Variants in MEP1B observed in about 807,000 individuals in gnomAD.
MEP1B encodes meprin A subunit beta.
In MEP1B, 80 loss-of-function variants were observed where a neutral mutation model predicts 84.6. That is an observed-to-expected ratio of 0.95 (90% CI 0.79 to 1.14). The LOEUF is 1.14. Among genes scored for constraint, MEP1B ranks in the 50% most tolerant of loss-of-function variants. The pLI is 0.00. For synonymous variants in MEP1B, 273 were observed against 288.1 expected (o/e 0.95, Z 0.53); for missense variants, 766 against 855.1 (o/e 0.90, Z 1.30).
chr18:32,216,942 T>C, intron 12 of MEP1B, 49 bp from the exon 13 acceptor site: 1 of 1,573,218 alleles, frequency 6.4e-7, no homozygotes. Context: ...GATCAAATGA[T>C]TGTTAAACAA....
chr18:32,198,105 A>G (rs936182403), intron 5 of MEP1B, among the ~76,000 whole-genome samples: 1 of 152,216 alleles, frequency 6.6e-6, no homozygotes, highest in South Asian at 2.1e-4. Context: ...TCAAAGAGCT[A>G]TGGGAGCACA....
chr18:32,201,098 A>G (rs2040906886), intron 5 of MEP1B, among the ~76,000 whole-genome samples: 1 of 152,130 alleles, frequency 6.6e-6, no homozygotes, highest in African/African-American at 2.4e-5. Flanking sequence ...GTGTTACTTT[A>G]TTTATTAATT....
At chr18:32,218,478 T>C (rs1042436724) in intron 14 of MEP1B, among the ~76,000 whole-genome samples, 3 of 152,186 alleles carry the variant, frequency 2.0e-5, no homozygotes, top group East Asian at 1.9e-4. Flanking sequence ...GGATTTAAAG[T>C]CTTGCCTCAA....
intron 1 of MEP1B, 34 bp from the exon 2 acceptor site, chr18:32,191,785 TATA>T (rs1213555155): frequency 7.1e-7 from 1 of 1,409,526 alleles, no homozygotes; most frequent in Admixed American, 2.0e-5. Context: ...TCCTGGGCAT[TATA>T]ATAATATGTT....
chr18:32,196,430 A>G lies in MEP1B; in HGVS notation c.250+945A>G, dbSNP rs2144383055. The G allele has an allele frequency of 1.4e-6, 1 of 694,740 alleles. No homozygotes were observed. Among genetic ancestry groups the G allele is most frequent in the Non-Finnish European group, 2.7e-6 (1 of 376,142 alleles). 43.0% of individuals were successfully genotyped at this position (694,740 alleles called of 1,614,324 possible). ...TGGTCCTCGCCCAGCTGGGTCTTAC[A>G]GAGGGTGTGCAGCCAGCCCTTCCTT... On this transcript the variant is annotated intron_variant, in intron 5 of 14. Coordinates refer to ENST00000269202, the MANE Select transcript of MEP1B (RefSeq NM_005925.3). The surrounding 1 kb of genome is among the most constrained non-coding windows in gnomAD (Gnocchi z 4.4).
At chr18:32,191,071 A>G (rs1167027765) in intron 1 of MEP1B, among the ~76,000 whole-genome samples, 2 of 152,090 alleles carry the variant, frequency 1.3e-5, no homozygotes, top group Non-Finnish European at 1.5e-5. Context: ...GGTACTGACC[A>G]TATCTTATGG....
At chr18:32,198,285 T>A (rs536058592) in intron 5 of MEP1B, among the ~76,000 whole-genome samples, 1 of 152,298 alleles carries the variant, frequency 6.6e-6, no homozygotes, top group South Asian at 2.1e-4. Flanking sequence ...TCTCCAAGAC[T>A]TTTTGACTGA....
intron 5 of MEP1B, among the ~76,000 whole-genome samples, chr18:32,201,149 CT>C (rs1301921021): frequency 8.5e-5 from 13 of 152,078 alleles, no homozygotes; most frequent in African/African-American, 3.1e-4. Flanking sequence ...ATGGCCTAAA[CT>C]AGTATGCTCT....
intron 14 of MEP1B, among the ~76,000 whole-genome samples, chr18:32,219,975 C>T (rs562286921): frequency 3.9e-5 from 6 of 152,282 alleles, no homozygotes; most frequent in African/African-American, 1.2e-4. Context: ...TCGTTTAGAT[C>T]TTAAATCAGA....
At chr18:32,214,419 A>G (rs1279543613) in intron 11 of MEP1B, among the ~76,000 whole-genome samples, 4 of 152,346 alleles carry the variant, frequency 2.6e-5, no homozygotes, top group Non-Finnish European at 5.9e-5. Flanking sequence ...CGACATAGAA[A>G]AAAATCCAAC....
At position 32,196,027 on chromosome 18, in the gene MEP1B, C is replaced by G. The variant is rs1317751459; in HGVS notation, c.250+542C>G. On this transcript the variant is annotated intron_variant, in intron 5 of 14. Transcript: ENST00000269202. This position sits in a 1 kb window ranked among gnomAD's most constrained non-coding sequence, Gnocchi z 4.4. ...TGTCCATCTGCCTGTCCCTCTCTAT[C>G]CCTGCAAGTTCGGGGAAGAAGGGTC... 1 of 385,714 alleles carries G rather than the reference C, an allele frequency of 2.6e-6. No homozygotes were observed. 23.9% of individuals were successfully genotyped at this position (385,714 alleles called of 1,614,324 possible). A position where few individuals can be genotyped will look rare whatever the true frequency, so the allele number is the denominator to read the frequency against.
chr18:32,218,043 T>A, intron 14 of MEP1B, 78 bp downstream of exon 14: 1 of 1,358,480 alleles, frequency 7.4e-7, no homozygotes, highest in Non-Finnish European at 1.0e-6. Context: ...ATTTTTTATA[T>A]ACTTTGGTTC....
chr18:32,201,299 T>TACACACACACACACACAC (rs58057830), intron 5 of MEP1B, among the ~76,000 whole-genome samples: 3 of 144,230 alleles, frequency 2.1e-5, no homozygotes, highest in African/African-American at 5.1e-5. Flanking sequence ...CATATGTAGA[T>TACACACACACACACACAC]ACACACACAC....
At position 32,220,350 on chromosome 18, in the gene MEP1B, AT is replaced by A; in HGVS notation, c.*110del. The A allele has an allele frequency of 9.4e-7, 1 of 1,059,842 alleles. No homozygotes were observed. The highest frequency in any genetic ancestry group is 2.6e-5 in the East Asian group (1 of 39,170). 65.7% of individuals were successfully genotyped at this position (1,059,842 alleles called of 1,614,324 possible). A position where few individuals can be genotyped will look rare whatever the true frequency, so the allele number is the denominator to read the frequency against. The stretch of plus-strand genomic sequence containing the variant: ...CCACCTCATTCTTCTAAAAGTGGAT[AT>A]TTTTCTGTAAATAGCTGGAAATATT... On this transcript the variant is annotated 3_prime_UTR_variant, in exon 15 of 15. Coordinates refer to ENST00000269202, the MANE Select transcript of MEP1B (RefSeq NM_005925.3).
intron 10 of MEP1B, 61 bp from the exon 11 acceptor site, chr18:32,213,055 A>C: frequency 2.1e-6 from 3 of 1,461,864 alleles, no homozygotes; most frequent in Non-Finnish European, 2.8e-6. Context: ...TAGAAATCTA[A>C]TGTTGACATG....
chr18:32,217,185 A>C, intron 13 of MEP1B, 68 bp downstream of exon 13: 1 of 1,525,038 alleles, frequency 6.6e-7, no homozygotes, highest in Middle Eastern at 1.7e-4. Context: ...ATGTAGGATT[A>C]ATTACTTAAT....
At chr18:32,192,463 C>A (rs1472332337) in intron 2 of MEP1B, among the ~76,000 whole-genome samples, 183 bp from the exon 3 acceptor site, 1 of 152,024 alleles carries the variant, frequency 6.6e-6, no homozygotes, top group African/African-American at 2.4e-5. Context: ...CTCTTTAGAG[C>A]CCAACCTGGC....
At chr18:32,213,001 T>A in intron 10 of MEP1B, 115 bp from the exon 11 acceptor site, 1 of 929,250 alleles carries the variant, frequency 1.1e-6, no homozygotes, top group Non-Finnish European at 1.6e-6. Context: ...ACTTCTGACC[T>A]GTAGAAATAA....
chr18:32,199,613 A>G (rs2040888547), intron 5 of MEP1B, among the ~76,000 whole-genome samples: 1 of 152,056 alleles, frequency 6.6e-6, no homozygotes, highest in Non-Finnish European at 1.5e-5. Flanking sequence ...TAGTCTTTTG[A>G]TTAAAAAATT....
Sources: allele counts gnomAD v4.1 joint callset (sites outside exome capture counted in the v4.1 genomes callset), GRCh38; gene constraint gnomAD v4.1.1; non-coding constraint Gnocchi (gnomAD v3.1); transcripts MANE v1.5; gene names NCBI Gene and HGNC (gene_info 2026-07-23, HGNC 2026-07-21).